Variants in PDE4D observed in about 807,000 individuals in gnomAD.
The protein encoded by PDE4D is 3',5'-cyclic-AMP phosphodiesterase 4D.
PDE4D carries 24 observed loss-of-function variants against 87.4 expected under a neutral mutation model. The ratio of observed to expected loss-of-function variants is 0.27; its 90% confidence interval spans 0.20 to 0.39. PDE4D has a LOEUF of 0.39. Ranked by LOEUF, PDE4D falls within the 10% of genes least tolerant of loss-of-function variation. The pLI is 1.00. For synonymous variants in PDE4D, 384 were observed against 383.2 expected, an observed-to-expected ratio of 1.00 and a Z score of -0.02; for missense variants, 714 against 1,041.0, an observed-to-expected ratio of 0.69 and a Z score of 4.32.
At chr5:59,938,661 G>C (rs2409677) in intron 3 of PDE4D, among the ~76,000 whole-genome samples, 33,627 of 152,022 alleles carry the variant, frequency 0.22, 4,773 homozygotes, top group Admixed American at 0.33. Context: ...ACTCCTCACT[G>C]CCCTGGGCAC....
At chr5:59,240,967 G>C (rs1348183617) in intron 1 of PDE4D, among the ~76,000 whole-genome samples, 1 of 152,034 alleles carries the variant, frequency 6.6e-6, no homozygotes, top group African/African-American at 2.4e-5. Flanking sequence ...TTTTAAAAAT[G>C]GGAATGAAAA....
intron 2 of PDE4D, among the ~76,000 whole-genome samples, chr5:60,116,945 C>T (rs746188358): frequency 6.6e-6 from 1 of 151,934 alleles, no homozygotes; most frequent in Non-Finnish European, 1.5e-5. Context: ...GAATAAAACA[C>T]CTTACTTTCA....
At chr5:59,193,300 C>T (rs1581286778) in intron 3 of PDE4D, among the ~76,000 whole-genome samples, 200 bp downstream of exon 3, 1 of 152,186 alleles carries the variant, frequency 6.6e-6, no homozygotes, top group African/African-American at 2.4e-5. Context: ...CTCTTTGGTA[C>T]TATGGGTTTA....
intron 5 of PDE4D, among the ~76,000 whole-genome samples, chr5:59,150,725 A>G (rs1287593793): frequency 6.6e-6 from 1 of 152,212 alleles, no homozygotes; most frequent in African/African-American, 2.4e-5. Context: ...TATAATATTT[A>G]ACCACAGTGG....
Position 60,193,669 on chromosome 5 carries a change from C to CAAAAAA in PDE4D, c.-89-7988_-89-7983dup, listed in dbSNP as rs35340734. ...CCTGGGCGACAGCGAGACTCCGTCT[C>CAAAAAA]AAAAAAAAAAAAAAAAAAAAAAAGA... On this transcript the variant is annotated intron_variant, in intron 1 of 16. Transcript: ENST00000502484. Among the ~76,000 whole-genome samples the CAAAAAA allele has an allele frequency of 5.4e-3, 253 of 46,740 alleles. 12 individuals carry two copies. The highest frequency in any genetic ancestry group is 0.014 in the African/African-American group (177 of 12,768). The allele number at this position is 46,740 out of a possible 152,430, so 30.7% of individuals were successfully genotyped here. A position where few individuals can be genotyped will look rare whatever the true frequency, so the allele number is the denominator to read the frequency against.
At chr5:59,192,543 A>AT (rs1744574122) in intron 3 of PDE4D, among the ~76,000 whole-genome samples, 1 of 152,220 alleles carries the variant, frequency 6.6e-6, no homozygotes, top group South Asian at 2.1e-4. Context: ...AGTTGAAAAA[A>AT]AAGAGGACCC....
At position 59,906,087 on chromosome 5, in the gene PDE4D, C is replaced by T. The variant is rs1055594221; in HGVS notation, c.272+82401G>A. Among the ~76,000 whole-genome samples the T allele has an allele frequency of 2.0e-5, 3 of 152,224 alleles. No homozygotes were observed. In the Middle Eastern group the frequency reaches 0.01, roughly 518 times the overall value. On this transcript the variant is annotated intron_variant, in intron 3 of 16. Transcript: ENST00000502484. ...TGCTGCAGTGGGCACTTCACTTATG[C>T]GATGGCATTTGATAGCCATGGCCTT...
chr5:59,894,481 C>G (rs1751424441), upstream of PDE4D, among the ~76,000 whole-genome samples: 1 of 152,216 alleles, frequency 6.6e-6, no homozygotes, highest in South Asian at 2.1e-4. Flanking sequence ...CTCTTTCCCA[C>G]AGCAGGGAGA....
intron 1 of PDE4D, among the ~76,000 whole-genome samples, chr5:59,443,763 T>C (rs1797972549): frequency 6.6e-6 from 1 of 152,214 alleles, no homozygotes; most frequent in African/African-American, 2.4e-5. Context: ...AATTTAACCC[T>C]TGCTTATATT....
intron 2 of PDE4D, among the ~76,000 whole-genome samples, chr5:60,108,396 G>A (rs1160106182): frequency 1.3e-5 from 2 of 152,124 alleles, no homozygotes; most frequent in African/African-American, 4.8e-5. Flanking sequence ...CATGTTCATG[G>A]GTCGGAAGAA....
At chr5:59,802,001 A>T (rs1475204671) in intron 1 of PDE4D, among the ~76,000 whole-genome samples, 1 of 152,236 alleles carries the variant, frequency 6.6e-6, no homozygotes, top group Non-Finnish European at 1.5e-5. Flanking sequence ...AAACATCTAC[A>T]GGAGATACAA....
chr5:60,491,785 C>A (rs1368014196), upstream of PDE4D, among the ~76,000 whole-genome samples: 2 of 152,074 alleles, frequency 1.3e-5, no homozygotes, highest in African/African-American at 2.4e-5. Flanking sequence ...GGAGTCAGGC[C>A]ACCTGGGTTC....
chr5:60,478,924 G>T (rs543014880), intron 1 of PDE4D, among the ~76,000 whole-genome samples: 1 of 152,264 alleles, frequency 6.6e-6, no homozygotes, highest in South Asian at 2.1e-4. Flanking sequence ...TAAAGACACA[G>T]GTAATAATAT....
At chr5:60,452,435 G>A (rs1367240022) in intron 1 of PDE4D, among the ~76,000 whole-genome samples, 2 of 151,974 alleles carry the variant, frequency 1.3e-5, no homozygotes, top group African/African-American at 4.8e-5. Flanking sequence ...GCAATAGCCC[G>A]CCACATGTCT....
chr5:60,328,697 C>A (rs888540631), intron 1 of PDE4D, among the ~76,000 whole-genome samples: 3 of 152,112 alleles, frequency 2.0e-5, no homozygotes, highest in African/African-American at 7.2e-5. Context: ...ATAGCTAGTA[C>A]ATAGGTAAGC....
chr5:59,566,534 ATGTGTG>A (rs34584672), intron 1 of PDE4D, among the ~76,000 whole-genome samples: 67,573 of 140,628 alleles, frequency 0.48, 17,351 homozygotes, highest in South Asian at 0.65. Flanking sequence ...TCACAGTTTC[ATGTGTG>A]TGTGTGTGTG....
At chr5:59,030,045 T>G (rs1036529897) in intron 6 of PDE4D, among the ~76,000 whole-genome samples, 2 of 152,032 alleles carry the variant, frequency 1.3e-5, no homozygotes, top group African/African-American at 4.8e-5. Flanking sequence ...AAAAGAGATA[T>G]AAAGGCTTAA....
At chr5:60,137,179 T>C (rs879847660) in intron 2 of PDE4D, among the ~76,000 whole-genome samples, 1 of 152,232 alleles carries the variant, frequency 6.6e-6, no homozygotes, top group South Asian at 2.1e-4. Context: ...ATGGTGTATA[T>C]GTACCACATT....
At chr5:59,747,592 T>G (rs1229359566) in intron 1 of PDE4D, among the ~76,000 whole-genome samples, 3 of 152,172 alleles carry the variant, frequency 2.0e-5, no homozygotes, top group East Asian at 1.9e-4. Context: ...ACCTTCTCTC[T>G]CCTCAAACCT....
Sources: allele counts gnomAD v4.1 joint callset (sites outside exome capture counted in the v4.1 genomes callset), GRCh38; gene constraint gnomAD v4.1.1; transcripts MANE v1.5; gene names NCBI Gene and HGNC (gene_info 2026-07-23, HGNC 2026-07-21).